DPP10: variants seen among roughly 807,000 people sequenced by gnomAD.
The protein encoded by DPP10 is dipeptidyl peptidase like 10.
Under a neutral mutation model 120.9 loss-of-function variants are expected in DPP10, and 33 were observed. The ratio of observed to expected loss-of-function variants is 0.27; its 90% CI spans 0.21 to 0.37. DPP10 has a LOEUF of 0.37. Among genes scored for constraint, DPP10 ranks in the 10% least tolerant of loss-of-function variants. The probability of loss-of-function intolerance (pLI) is 1.00; values close to 1 mark genes in which losing one functional copy is unlikely to be tolerated. For missense variants in DPP10, 816 were observed against 942.8 expected (o/e 0.87, Z 1.76); for synonymous variants, 337 against 326.1 (o/e 1.03, Z -0.36).
At chr2:115,359,941 A>G (rs1453469770) in intron 3 of DPP10, among the ~76,000 whole-genome samples, 2 of 152,118 alleles carry the variant, frequency 1.3e-5, no homozygotes, top group Admixed American at 1.3e-4. Flanking sequence ...TTTCTCTAGT[A>G]AGTTTCTCAA....
At chr2:115,493,228 A>C (rs2076217232) in intron 3 of DPP10, among the ~76,000 whole-genome samples, 1 of 152,084 alleles carries the variant, frequency 6.6e-6, no homozygotes, top group African/African-American at 2.4e-5. Context: ...AACTAGCAGT[A>C]GTCTGGGTGA....
At chr2:115,428,668 G>T (rs1467532105) in intron 3 of DPP10, among the ~76,000 whole-genome samples, 3 of 152,262 alleles carry the variant, frequency 2.0e-5, no homozygotes, top group African/African-American at 7.2e-5. Context: ...CGCCTCCAAC[G>T]TTGGTGATGT....
chr2:115,112,845 A>G (rs1333553155), intron 1 of DPP10, among the ~76,000 whole-genome samples: 2 of 152,188 alleles, frequency 1.3e-5, no homozygotes, highest in South Asian at 2.1e-4. Flanking sequence ...TTTTATGAAT[A>G]CAAGTGCTTG....
chr2:114,458,434 A>G (rs997087812), intron 1 of DPP10, among the ~76,000 whole-genome samples: 14 of 152,182 alleles, frequency 9.2e-5, no homozygotes, highest in Non-Finnish European at 1.8e-4. Context: ...TTTTAAATAA[A>G]GAGGTTGACT....
chr2:114,581,884 A>T (rs1311958289), intron 1 of DPP10, among the ~76,000 whole-genome samples: 1 of 152,160 alleles, frequency 6.6e-6, no homozygotes, highest in Non-Finnish European at 1.5e-5. Flanking sequence ...ATCCTTTCCC[A>T]GTTTTCCTTG....
At chr2:115,550,787 G>A (rs1048195018) in intron 5 of DPP10, among the ~76,000 whole-genome samples, 2 of 151,986 alleles carry the variant, frequency 1.3e-5, no homozygotes, top group African/African-American at 4.8e-5. Context: ...CTGTGAAGTC[G>A]GAGAAACAAT....
intron 1 of DPP10, among the ~76,000 whole-genome samples, chr2:114,933,782 C>T (rs1038974272): frequency 6.6e-6 from 1 of 152,126 alleles, no homozygotes; most frequent in African/African-American, 2.4e-5. Flanking sequence ...CAAAGGTTGT[C>T]GGGCCCTACC....
At chr2:115,531,718 C>T (rs1216324429) in intron 5 of DPP10, among the ~76,000 whole-genome samples, 2 of 152,034 alleles carry the variant, frequency 1.3e-5, no homozygotes, top group East Asian at 3.9e-4. Flanking sequence ...ATGAAGATAG[C>T]TTGAACTTCT....
intron 1 of DPP10, among the ~76,000 whole-genome samples, chr2:114,663,244 G>GTATA (rs769953524): frequency 6.9e-6 from 1 of 145,770 alleles, no homozygotes; most frequent in Non-Finnish European, 1.5e-5. Flanking sequence ...CCTTGTGTGT[G>GTATA]TATATATATA....
At position 114,757,795 on chromosome 2, in the gene DPP10, G is replaced by A. The variant is rs184494819; in HGVS notation, c.60+314957G>A. ...GGCCCAGCATTCTGATTTTGCAAGC[G>A]TTTCCACGTGTTTCCGATGTGTCCT... On this transcript the variant is annotated intron_variant, in intron 1 of 25. Coordinates refer to ENST00000410059, the MANE Select transcript of DPP10 (RefSeq NM_020868.6). 1.1e-3 allele frequency among the ~76,000 whole-genome samples: 165 copies of A among 152,256 alleles called. 1 individual carries two copies. Among genetic ancestry groups the A allele is most frequent in the African/African-American group, 3.6e-3 (148 of 41,534 alleles).
At chr2:115,623,266 TCAC>T (rs374463678) in intron 5 of DPP10, among the ~76,000 whole-genome samples, 236 of 152,292 alleles carry the variant, frequency 1.5e-3, no homozygotes, top group African/African-American at 5.6e-3. Context: ...CAGAAAAAGT[TCAC>T]CAGCCTCTGC....
rs185498546 is a variant in DPP10, at chr2:115,679,376, G to T, written c.442-10311G>T. Among the ~76,000 whole-genome samples the T allele has an allele frequency of 3.0e-4, 46 of 152,232 alleles. 1 individual carries two copies. The East Asian group carries it at 5.6e-3, about 19-fold the overall frequency. On this transcript the variant is annotated intron_variant, in intron 5 of 25. Transcript: ENST00000410059. ...TAGTAAGTTCTCAGGAGATCTGATG[G>T]TTTTATAGATGGTTTCACCCCCTTT...
intron 1 of DPP10, among the ~76,000 whole-genome samples, chr2:115,287,076 A>C (rs903608035): frequency 1.1e-4 from 16 of 152,072 alleles, no homozygotes; most frequent in Admixed American, 1.0e-3. Flanking sequence ...AGGGAAAGGC[A>C]GAAAATGTAT....
At chr2:114,711,437 TG>T (rs1422258887) in intron 1 of DPP10, among the ~76,000 whole-genome samples, 1 of 152,190 alleles carries the variant, frequency 6.6e-6, no homozygotes, top group Non-Finnish European at 1.5e-5. Context: ...TGGGTTACAA[TG>T]GGTGGCCCTT....
intron 1 of DPP10, among the ~76,000 whole-genome samples, chr2:114,947,691 G>T (rs1180064189): frequency 1.3e-5 from 2 of 151,640 alleles, no homozygotes; most frequent in African/African-American, 2.4e-5. Flanking sequence ...TTTCAAAGAG[G>T]GCTTTAGTTA....
chr2:114,611,426 GAAC>G (rs1693277532), intron 1 of DPP10, among the ~76,000 whole-genome samples: 2 of 152,028 alleles, frequency 1.3e-5, no homozygotes, highest in African/African-American at 4.8e-5. Context: ...GCATAAAGAT[GAAC>G]AACTTATGAC....
chr2:114,820,916 C>T (rs1239581635), intron 1 of DPP10, among the ~76,000 whole-genome samples: 1 of 152,184 alleles, frequency 6.6e-6, no homozygotes, highest in Non-Finnish European at 1.5e-5. Context: ...AGTGGAGGAA[C>T]ACCCGGTTCT....
chr2:114,702,117 T>C (rs1337972839), intron 1 of DPP10, among the ~76,000 whole-genome samples: 1 of 152,086 alleles, frequency 6.6e-6, no homozygotes, highest in Non-Finnish European at 1.5e-5. Context: ...TCAACCACAT[T>C]AGACTGTAAG....
chr2:114,444,146 A>G (rs1160488756), intron 1 of DPP10, among the ~76,000 whole-genome samples: 2 of 152,184 alleles, frequency 1.3e-5, no homozygotes, highest in African/African-American at 4.8e-5. Flanking sequence ...AACAGATATG[A>G]GAATCTTTTT....
Sources: allele counts gnomAD v4.1 joint callset (sites outside exome capture counted in the v4.1 genomes callset), GRCh38; gene constraint gnomAD v4.1.1; transcripts MANE v1.5; gene names NCBI Gene and HGNC (gene_info 2026-07-23, HGNC 2026-07-21).